SCN7A: variants seen among roughly 807,000 people sequenced by gnomAD.
The protein encoded by SCN7A is sodium channel protein type 7 subunit alpha.
A neutral mutation model predicts 155.2 loss-of-function variants in SCN7A; 138 were observed. That is an observed-to-expected ratio of 0.89 (90% CI 0.77 to 1.02). SCN7A has a LOEUF of 1.02. SCN7A is among the 50% of genes least tolerant of loss of function. The pLI is 0.00. For synonymous variants in SCN7A, 693 were observed against 649.0 expected (o/e 1.07, Z -1.03); for missense variants, 2,058 against 1,986.6 (o/e 1.04, Z -0.68).
Position 166,452,942 on chromosome 2 carries a change from A to G in SCN7A, c.1290+3928T>C, listed in dbSNP as rs80207347. Among the ~76,000 whole-genome samples the G allele has an allele frequency of 9.0e-3, 1,369 of 152,250 alleles. 17 individuals carry two copies. The highest frequency in any genetic ancestry group is 0.013 in the Non-Finnish European group (853 of 68,006). ...CGTCATTTTTATTGTTATTTTAATT[A>G]TCCCTAAATATAGTCAAAGACAAGA... On this transcript the variant is annotated intron_variant, in intron 11 of 25. Transcript: ENST00000643258.
At position 166,441,525 on chromosome 2, in the gene SCN7A, G is replaced by T; in HGVS notation, c.2028C>A (p.His676Gln). 6.2e-7 allele frequency: 1 copy of T among 1,614,122 alleles called. No individual in the cohort carries two copies. The highest frequency in any genetic ancestry group is 8.5e-7 in the Non-Finnish European group (1 of 1,179,990). The change falls in exon 15 of 26, where the codon CAC (histidine) becomes CAA (glutamine). Residue 676 changes from histidine to glutamine, a missense_variant. By Grantham distance (24) the His-to-Gln change is conservative (BLOSUM62 0). Transcript: ENST00000643258. ...GAATTCGGAACACATTCAGGAAGGA[G>T]TGGAAAAAGTCATGCATGTGCCAGC... Reference protein sequence around the residue: ...LPRWHMHDFFHSFLNVFRILC... With the variant: ...LPRWHMHDFFQSFLNVFRILC...
intron 12 of SCN7A, 125 bp downstream of exon 12, chr2:166,447,487 C>T (rs915000606): frequency 6.8e-5 from 41 of 602,888 alleles, no homozygotes; most frequent in Non-Finnish European, 8.8e-5. Context: ...TCCTAATATT[C>T]TCAAATATTT....
chr2:166,446,524 A>G (rs903172144), intron 12 of SCN7A, among the ~76,000 whole-genome samples: 1 of 152,228 alleles, frequency 6.6e-6, no homozygotes, highest in Non-Finnish European at 1.5e-5. Flanking sequence ...TACTGGGTAT[A>G]TATCCAAGGG....
intron 11 of SCN7A, among the ~76,000 whole-genome samples, chr2:166,452,341 A>G (rs2105455359): frequency 6.6e-6 from 1 of 151,786 alleles, no homozygotes; most frequent in South Asian, 2.1e-4. Context: ...CTTAAATTTT[A>G]GGAAGAATAT....
At chr2:166,437,239 A>C (rs982692999) in intron 15 of SCN7A, among the ~76,000 whole-genome samples, 2 of 152,192 alleles carry the variant, frequency 1.3e-5, no homozygotes, top group African/African-American at 4.8e-5. Context: ...CTGTGGCCAA[A>C]AGGGGCCAAG....
intron 4 of SCN7A, 22 bp from the exon 5 acceptor site, chr2:166,473,910 A>G (rs763060546): frequency 2.5e-6 from 3 of 1,223,000 alleles, no homozygotes. Flanking sequence ...TCAAGGAATA[A>G]TAGTTAATAA....
chr2:166,408,899 C>T (rs1157601644), intron 25 of SCN7A, among the ~76,000 whole-genome samples: 1 of 151,992 alleles, frequency 6.6e-6, no homozygotes, highest in African/African-American at 2.4e-5. Flanking sequence ...CTTTGCTTGG[C>T]TATCTCCTTA....
In SCN7A at chr2:166,467,136, T is replaced by C. The variant is rs573926559; in HGVS notation, c.665-1149A>G. ...AATAGAACTTCTGTGTCAAATATAC[T>C]ACAGTGGTTTACCATTGATACACAT... On this transcript the variant is annotated intron_variant, in intron 7 of 25. Coordinates refer to ENST00000643258, the MANE Select transcript of SCN7A (RefSeq NM_002976.4). Among the ~76,000 whole-genome samples, 9 of 152,002 alleles carry C rather than the reference T, an allele frequency of 5.9e-5. No individual in the cohort carries two copies. The South Asian group carries it at 1.9e-3, about 32-fold the overall frequency.
Position 166,462,556 on chromosome 2 carries a change from G to A in SCN7A, c.942-26C>T, listed in dbSNP as rs1329763087. On this transcript the variant is annotated intron_variant, in intron 9 of 25. Transcript: ENST00000643258. ...CTAAAGAAGACAAAGAAAAAAACCT[G>A]CTTACTATTAGGTGACTATCAGATT... is the stretch of plus-strand genomic sequence containing the variant. The A allele has an allele frequency of 4.4e-6, 7 of 1,608,112 alleles. No individual in the cohort carries two copies. In the East Asian group the frequency reaches 8.9e-5, roughly 21 times the overall value.
In SCN7A at chr2:166,427,898, T is replaced by C. The variant is rs971563631; in HGVS notation, c.2743A>G (p.Lys915Glu). The C allele has an allele frequency of 1.9e-6, 3 of 1,612,934 alleles. No individual in the cohort carries two copies. Among genetic ancestry groups the C allele is most frequent in the Non-Finnish European group, 2.5e-6 (3 of 1,179,310 alleles). The change falls in exon 18 of 26, where the codon AAG (lysine) becomes GAG (glutamate). Residue 915 changes from lysine (K) to glutamate (E), a missense_variant. Physicochemically the swap from Lys to Glu is moderately conservative, Grantham distance 56. Transcript: ENST00000643258. The part of the protein sequence containing the change: ...SSLGQISGAS[K>E]KGKIWQNIRK... ...ATGTTCTGCCAGATTTTTCCTTTCT[T>C]GGATGCTCCACTGATTTGACCAAGT... is the stretch of plus-strand genomic sequence containing the variant.
intron 25 of SCN7A, among the ~76,000 whole-genome samples, chr2:166,407,955 A>G (rs1559083853): frequency 6.6e-6 from 1 of 151,812 alleles, no homozygotes; most frequent in South Asian, 2.1e-4. Flanking sequence ...CCCACTTATA[A>G]GTGAGAATAT....
At chr2:166,488,695 C>A (rs377599686) in intron 1 of SCN7A, among the ~76,000 whole-genome samples, 1 of 150,972 alleles carries the variant, frequency 6.6e-6, no homozygotes, top group Admixed American at 6.6e-5. Flanking sequence ...TGGAGAGCAG[C>A]GGTGTAACCT....
At position 166,429,252 on chromosome 2, in the gene SCN7A, G is replaced by C. The variant is rs1464829937; in HGVS notation, c.2615C>G (p.Ser872Cys). ...AGCAATATCAACAGTACTGCATTCA[G>C]ATGAGCTAGATTGCTTTATTTTCTA... ...SKEKIKQSSS[S>C]ECSTVDIAIS... The change falls in exon 17 of 26, where the codon TCT becomes TGT. Residue 872 changes from serine (S) to cysteine (C), a missense_variant. Transcript: ENST00000643258. 6.5e-7 allele frequency: 1 copy of C among 1,534,842 alleles called. No homozygotes were observed. The highest frequency in any genetic ancestry group is 1.4e-5 in the African/African-American group (1 of 72,432).
At chr2:166,473,007 T>G (rs1283447220) in intron 5 of SCN7A, among the ~76,000 whole-genome samples, 1 of 151,596 alleles carries the variant, frequency 6.6e-6, no homozygotes, top group Non-Finnish European at 1.5e-5. Flanking sequence ...CAACAGACAC[T>G]GGGGCCTTTT....
At position 166,405,578 on chromosome 2, in the gene SCN7A, T is replaced by G. The variant is rs16852112; in HGVS notation, c.*2A>C. ...AAATATGAAAAGAGGTGGTAAGTGGTATTAGATCTGGCTTTGAATAGGTGA... is the reference window on the plus strand; with the variant it reads ...AAATATGAAAAGAGGTGGTAAGTGGGATTAGATCTGGCTTTGAATAGGTGA... On this transcript the variant is annotated 3_prime_UTR_variant, in exon 26 of 26. Coordinates refer to ENST00000643258, the MANE Select transcript of SCN7A (RefSeq NM_002976.4). The G allele has an allele frequency of 0.1, 156,600 of 1,555,608 alleles. 8,521 individuals carry two copies. The highest frequency in any genetic ancestry group is 0.17 in the Middle Eastern group (952 of 5,560).
intron 21 of SCN7A, among the ~76,000 whole-genome samples, chr2:166,416,052 A>C (rs895158824): frequency 8.6e-5 from 13 of 152,028 alleles, no homozygotes; most frequent in Admixed American, 4.6e-4. Context: ...ATAAACAGCC[A>C]CTCTGGGAAT....
chr2:166,416,581 T>G (rs929964917), intron 21 of SCN7A, 126 bp downstream of exon 21: 6 of 809,574 alleles, frequency 7.4e-6, no homozygotes, highest in Non-Finnish European at 1.2e-5. Flanking sequence ...TCCCATTACA[T>G]TTATCTACTA....
At chr2:166,486,569 A>T (rs1378366417) in intron 2 of SCN7A, among the ~76,000 whole-genome samples, 1 of 152,192 alleles carries the variant, frequency 6.6e-6, no homozygotes, top group African/African-American at 2.4e-5. Flanking sequence ...TTTCGATCAT[A>T]CAAGCTCTGG....
chr2:166,427,656 T>G, intron 18 of SCN7A, 132 bp downstream of exon 18: 3 of 607,310 alleles, frequency 4.9e-6, no homozygotes, highest in East Asian at 3.0e-5. Flanking sequence ...TCACAGATTA[T>G]GAAATTTGGT....
Sources: allele counts gnomAD v4.1 joint callset (sites outside exome capture counted in the v4.1 genomes callset), GRCh38; gene constraint gnomAD v4.1.1; transcripts MANE v1.5; gene names NCBI Gene and HGNC (gene_info 2026-07-23, HGNC 2026-07-21).